Variants in RAB27A observed in about 807,000 individuals in gnomAD.
RAB27A encodes RAB27A, member RAS oncogene family.
A neutral mutation model predicts 20.8 loss-of-function variants in RAB27A; 17 were observed. That is an observed-to-expected ratio of 0.82 (90% CI 0.56 to 1.23). The LOEUF is 1.23. Among genes scored for constraint, RAB27A ranks in the 50% most tolerant of loss-of-function variants. The probability of loss-of-function intolerance (pLI) is 0.00; values close to 1 mark genes in which losing one functional copy is unlikely to be tolerated. For synonymous variants in RAB27A, 85 were observed against 92.8 expected (o/e 0.92, Z 0.48); for missense variants, 277 against 266.7 (o/e 1.04, Z -0.27).
chr15:55,253,095 G>A (rs1400529756), intron 2 of RAB27A, among the ~76,000 whole-genome samples: 2 of 149,486 alleles, frequency 1.3e-5, no homozygotes, highest in Non-Finnish European at 3.0e-5. Flanking sequence ...TCGTGCCACT[G>A]CACTCCAGCC....
chr15:55,271,091 C>T (rs893322133), intron 1 of RAB27A, among the ~76,000 whole-genome samples: 4 of 152,094 alleles, frequency 2.6e-5, no homozygotes, highest in African/African-American at 9.7e-5. Flanking sequence ...GTTTTCTGGT[C>T]CCCACGTATT....
chr15:55,259,111 C>T (rs1897185309), intron 2 of RAB27A, among the ~76,000 whole-genome samples: 2 of 152,294 alleles, frequency 1.3e-5, no homozygotes, highest in South Asian at 4.1e-4. Context: ...CCACCATGCC[C>T]AGCCAGGTTC....
At chr15:55,208,564 T>C (rs973179814) in intron 6 of RAB27A, among the ~76,000 whole-genome samples, 2 of 152,172 alleles carry the variant, frequency 1.3e-5, no homozygotes, top group African/African-American at 4.8e-5. Context: ...AGTTAAAACA[T>C]TCCAGGCATC....
intron 2 of RAB27A, among the ~76,000 whole-genome samples, chr15:55,253,673 GGTTAAGAACA>G (rs1396523737): frequency 6.6e-6 from 1 of 151,784 alleles, no homozygotes; most frequent in African/African-American, 2.4e-5. Flanking sequence ...GAAGCCTAGA[GGTTAAGAACA>G]TAAGGGCTAA....
chr15:55,215,878 G>A (rs1367263990), intron 6 of RAB27A, among the ~76,000 whole-genome samples: 2 of 148,564 alleles, frequency 1.3e-5, no homozygotes, highest in African/African-American at 5.0e-5. Flanking sequence ...CCTGGGAGGC[G>A]GAGGTTGCAG....
chr15:55,204,250 A>G lies in RAB27A; in HGVS notation c.*1257T>C, dbSNP rs576433973. The G allele has an allele frequency of 2.6e-5, 4 of 152,364 alleles. No individual in the cohort carries two copies. Among genetic ancestry groups the G allele is most frequent in the Admixed American group, 2.6e-4 (4 of 15,306 alleles). 9.4% of individuals were successfully genotyped at this position (152,364 alleles called of 1,614,324 possible). ...GAATTTTATAAACAACTTCCATGAA[A>G]CATATATTAAAACCACCTTTAATTT... On this transcript the variant is annotated 3_prime_UTR_variant, in exon 7 of 7. Transcript: ENST00000336787.
At chr15:55,318,049 A>C (rs892882592) in intron 1 of RAB27A, among the ~76,000 whole-genome samples, 4 of 151,688 alleles carry the variant, frequency 2.6e-5, no homozygotes, top group Non-Finnish European at 5.9e-5. Context: ...CAAAACTAAA[A>C]CCTTTTCTAT....
chr15:55,207,394 G>T (rs1222058043), intron 6 of RAB27A, among the ~76,000 whole-genome samples: 1 of 152,164 alleles, frequency 6.6e-6, no homozygotes, highest in African/African-American at 2.4e-5. Flanking sequence ...CAACTGAGAA[G>T]GTCTTAGGGC....
chr15:55,265,263 A>AAGG (rs1156397614), intron 2 of RAB27A, among the ~76,000 whole-genome samples: 1 of 151,950 alleles, frequency 6.6e-6, no homozygotes, highest in Non-Finnish European at 1.5e-5. Flanking sequence ...GAAGAAGAAG[A>AAGG]AGAACTGTAA....
intron 1 of RAB27A, among the ~76,000 whole-genome samples, chr15:55,287,769 T>C (rs1269246135): frequency 2.0e-5 from 3 of 151,718 alleles, no homozygotes; most frequent in Non-Finnish European, 2.9e-5. Context: ...AAAATTCATA[T>C]GGAAATTCAA....
chr15:55,276,128 A>G (rs1485107576), intron 1 of RAB27A, among the ~76,000 whole-genome samples: 1 of 152,112 alleles, frequency 6.6e-6, no homozygotes, highest in Non-Finnish European at 1.5e-5. Flanking sequence ...CATCTGAAAG[A>G]ATTGAAATCA....
At chr15:55,313,964 C>G (rs1407833606) in intron 2 of RAB27A, 1 of 155,578 alleles carries the variant, frequency 6.4e-6, no homozygotes, top group African/African-American at 2.5e-5. Flanking sequence ...CAGAGCGAGA[C>G]TCCATCTCAA....
At chr15:55,282,926 A>C (rs963109999) in intron 1 of RAB27A, among the ~76,000 whole-genome samples, 2 of 131,600 alleles carry the variant, frequency 1.5e-5, no homozygotes, top group Non-Finnish European at 3.1e-5. Flanking sequence ...AAATAAATAA[A>C]TAAACAAACA....
At chr15:55,215,842 A>T (rs1895271119) in intron 6 of RAB27A, among the ~76,000 whole-genome samples, 1 of 147,558 alleles carries the variant, frequency 6.8e-6, no homozygotes, top group South Asian at 2.2e-4. Context: ...GCTACTCAGG[A>T]GGCTGAGGCA....
rs114049159 is a variant in RAB27A at position 55,209,702 on chromosome 15, T to A, written c.468-3997A>T. 2.8e-3 allele frequency among the ~76,000 whole-genome samples: 424 copies of A among 149,840 alleles called. 3 individuals carry two copies. The highest frequency in any genetic ancestry group is 0.01 in the African/African-American group (408 of 40,412). ...TCCTAAGAAAACTTACATAAAACTT[T>A]TAAGAAAACTTCCACTAATATATAT... On this transcript the variant is annotated intron_variant, in intron 6 of 6. Transcript: ENST00000336787.
At chr15:55,216,389 T>G (rs1895305007) in intron 6 of RAB27A, among the ~76,000 whole-genome samples, 1 of 151,770 alleles carries the variant, frequency 6.6e-6, no homozygotes, top group African/African-American at 2.4e-5. Flanking sequence ...AAAAATTAGC[T>G]GGGCATGGTG....
chr15:55,245,554 G>A lies in RAB27A; in HGVS notation c.-22-10598C>T, dbSNP rs190315619. Among the ~76,000 whole-genome samples the A allele has an allele frequency of 4.1e-4, 63 of 152,306 alleles. 1 individual carries two copies. The highest frequency in any genetic ancestry group is 3.7e-3 in the Admixed American group (57 of 15,296). The stretch of plus-strand genomic sequence containing the variant: ...TCATAAGTGCATTCCTATCAGTACA[G>A]TATTTTATAATAATAACATAAGTCC... On this transcript the variant is annotated intron_variant, in intron 2 of 6. Transcript: ENST00000336787.
intron 1 of RAB27A, among the ~76,000 whole-genome samples, chr15:55,271,120 T>C (rs1897692694): frequency 6.6e-6 from 1 of 152,140 alleles, no homozygotes; most frequent in South Asian, 2.1e-4. Flanking sequence ...TGATCCATCC[T>C]CCACACCACA....
chr15:55,210,531 G>T (rs1295644641), intron 6 of RAB27A, among the ~76,000 whole-genome samples: 2 of 151,018 alleles, frequency 1.3e-5, no homozygotes, highest in Non-Finnish European at 2.9e-5. Context: ...TAGTGATATT[G>T]AGCATTTTTT....
Sources: allele counts gnomAD v4.1 joint callset (sites outside exome capture counted in the v4.1 genomes callset), GRCh38; gene constraint gnomAD v4.1.1; transcripts MANE v1.5; gene names NCBI Gene and HGNC (gene_info 2026-07-23, HGNC 2026-07-21).